CPQ: variants seen among roughly 807,000 people sequenced by gnomAD.
CPQ encodes Ser-Met dipeptidase.
Under a neutral mutation model 45.7 loss-of-function variants are expected in CPQ, and 37 were observed. The ratio of observed to expected loss-of-function variants is 0.81; its 90% CI spans 0.62 to 1.07. The LOEUF is 1.07. Among genes scored for constraint, CPQ ranks in the 50% least tolerant of loss-of-function variants. The probability of loss-of-function intolerance (pLI) is 0.00; values close to 1 mark genes in which losing one functional copy is unlikely to be tolerated. For missense variants in CPQ, 537 were observed against 572.9 expected, an observed-to-expected ratio of 0.94 and a Z score of 0.64; for synonymous variants, 186 against 205.8, an observed-to-expected ratio of 0.90 and a Z score of 0.82.
At chr8:96,850,415 T>C (rs2130859591) in intron 3 of CPQ, among the ~76,000 whole-genome samples, 1 of 152,262 alleles carries the variant, frequency 6.6e-6, no homozygotes, top group Middle Eastern at 3.4e-3. Flanking sequence ...TAGATCTCCA[T>C]TGCTTATGCA....
chr8:96,645,684 G>A (rs1411297923), intron 1 of CPQ, among the ~76,000 whole-genome samples: 1 of 152,028 alleles, frequency 6.6e-6, no homozygotes, highest in Admixed American at 6.5e-5. Flanking sequence ...GGACAGCAGC[G>A]AGCACGGCCC....
chr8:97,137,263 T>C (rs1279353513), intron 7 of CPQ, among the ~76,000 whole-genome samples: 1 of 152,294 alleles, frequency 6.6e-6, no homozygotes, highest in South Asian at 2.1e-4. Flanking sequence ...CTTTTTTAAA[T>C]ATGGAATTTG....
At chr8:96,858,232 G>C (rs567777684) in intron 3 of CPQ, among the ~76,000 whole-genome samples, 28 of 152,134 alleles carry the variant, frequency 1.8e-4, no homozygotes, top group Non-Finnish European at 3.8e-4. Context: ...GGGGAATCCA[G>C]GCCTTACTAG....
intron 1 of CPQ, among the ~76,000 whole-genome samples, chr8:96,728,150 A>G (rs1053395877): frequency 2.0e-5 from 3 of 152,258 alleles, no homozygotes; most frequent in East Asian, 1.9e-4. Flanking sequence ...AGGCAGGGCA[A>G]TGTCTGATTA....
At chr8:96,718,443 G>A (rs563672954) in intron 1 of CPQ, among the ~76,000 whole-genome samples, 4 of 152,040 alleles carry the variant, frequency 2.6e-5, no homozygotes, top group South Asian at 4.2e-4. Context: ...TTAAGGCAGC[G>A]CGTCTGGAGT....
intron 4 of CPQ, among the ~76,000 whole-genome samples, chr8:96,925,225 A>T (rs754121670): frequency 8.5e-5 from 13 of 152,080 alleles, no homozygotes; most frequent in African/African-American, 1.4e-4. Context: ...CCCTGGCATA[A>T]TTTCTCCTTC....
At chr8:97,058,660 C>T (rs1392905150) in intron 6 of CPQ, among the ~76,000 whole-genome samples, 1 of 152,112 alleles carries the variant, frequency 6.6e-6, no homozygotes, top group African/African-American at 2.4e-5. Flanking sequence ...GAAGTCTGCT[C>T]CTACAAACCC....
At chr8:96,687,649 G>A (rs150666521) in intron 1 of CPQ, among the ~76,000 whole-genome samples, 579 of 150,792 alleles carry the variant, frequency 3.8e-3, no homozygotes, top group African/African-American at 0.013. Context: ...TAATATTTCA[G>A]CTATATCACC....
intron 6 of CPQ, among the ~76,000 whole-genome samples, chr8:97,031,574 C>T (rs185478959): frequency 6.6e-6 from 1 of 152,240 alleles, no homozygotes; most frequent in Admixed American, 6.5e-5. Context: ...CACTGAAATT[C>T]CTAGAATGTG....
At chr8:96,834,395 G>T (rs1470603658) in intron 2 of CPQ, among the ~76,000 whole-genome samples, 1 of 152,188 alleles carries the variant, frequency 6.6e-6, no homozygotes, top group African/African-American at 2.4e-5. Context: ...ATGTTTCTAT[G>T]CAAAGGAGGA....
intron 1 of CPQ, among the ~76,000 whole-genome samples, chr8:96,750,846 C>G (rs1025332197): frequency 1.3e-5 from 2 of 152,120 alleles, no homozygotes; most frequent in Non-Finnish European, 2.9e-5. Context: ...TCCATGTGCT[C>G]TCATCATTCA....
intron 1 of CPQ, among the ~76,000 whole-genome samples, chr8:96,692,522 A>G (rs1809318244): frequency 6.6e-6 from 1 of 152,188 alleles, no homozygotes; most frequent in African/African-American, 2.4e-5. Flanking sequence ...GTAAGGAAAC[A>G]GAGCAAGAGT....
chr8:97,005,519 T>C (rs1452388707), intron 5 of CPQ, among the ~76,000 whole-genome samples: 1 of 151,916 alleles, frequency 6.6e-6, no homozygotes, highest in Non-Finnish European at 1.5e-5. Flanking sequence ...CAGGACAACA[T>C]AGGGAAATTC....
chr8:96,856,906 A>G (rs555809362), intron 3 of CPQ, among the ~76,000 whole-genome samples: 1 of 152,326 alleles, frequency 6.6e-6, no homozygotes, highest in South Asian at 2.1e-4. Flanking sequence ...TAGTGCTAAG[A>G]AGATAGTATG....
At position 96,798,961 on chromosome 8, in the gene CPQ, A is replaced by G. The variant is rs151133227; in HGVS notation, c.433+13631A>G. On this transcript the variant is annotated intron_variant, in intron 2 of 7. Transcript: ENST00000220763. ...TACATATTAGATATCTGCATGTTAA[A>G]TCATGAGTGGATTGTGAAAGGTCAC... 2.0e-3 allele frequency among the ~76,000 whole-genome samples: 306 copies of G among 152,292 alleles called. 1 individual carries two copies. Among genetic ancestry groups the G allele is most frequent in the African/African-American group, 7.0e-3 (290 of 41,576 alleles).
At chr8:97,040,109 A>G (rs1389196847) in intron 6 of CPQ, among the ~76,000 whole-genome samples, 1 of 148,730 alleles carries the variant, frequency 6.7e-6, no homozygotes, top group African/African-American at 2.5e-5. Context: ...ACAGTGTAAA[A>G]GTGTTCCTAT....
At chr8:96,963,659 C>T (rs1272405447) in intron 4 of CPQ, among the ~76,000 whole-genome samples, 1 of 152,170 alleles carries the variant, frequency 6.6e-6, no homozygotes, top group Non-Finnish European at 1.5e-5. Flanking sequence ...ACATATCAAT[C>T]TGTAAAACTT....
intron 1 of CPQ, among the ~76,000 whole-genome samples, chr8:96,660,810 G>A (rs1158689228): frequency 2.0e-5 from 3 of 152,058 alleles, no homozygotes; most frequent in Non-Finnish European, 2.9e-5. Flanking sequence ...TAATATCTAT[G>A]AAAATTAATT....
intron 2 of CPQ, among the ~76,000 whole-genome samples, chr8:96,786,770 C>T (rs1401676791): frequency 6.6e-6 from 1 of 152,080 alleles, no homozygotes. Flanking sequence ...TCCCTAATGA[C>T]AAGTGATGTT....
Sources: allele counts gnomAD v4.1 joint callset (sites outside exome capture counted in the v4.1 genomes callset), GRCh38; gene constraint gnomAD v4.1.1; transcripts MANE v1.5; gene names NCBI Gene and HGNC (gene_info 2026-07-23, HGNC 2026-07-21).